Variants in DPP10 observed in about 807,000 individuals in gnomAD.
DPP10 encodes inactive dipeptidyl peptidase 10.
In DPP10, 33 loss-of-function variants were observed where a neutral mutation model predicts 120.9. The observed-to-expected ratio is 0.27, with a 90% confidence interval of 0.21 to 0.37. The LOEUF (loss-of-function observed/expected upper bound fraction) is 0.37, where lower values mean the gene tolerates loss of function less well. DPP10 is among the 10% of genes least tolerant of loss of function. The probability of loss-of-function intolerance (pLI) is 1.00; values close to 1 mark genes in which losing one functional copy is unlikely to be tolerated. For missense variants in DPP10, 816 were observed against 942.8 expected (o/e 0.87, Z 1.76); for synonymous variants, 337 against 326.1 (o/e 1.03, Z -0.36).
At chr2:114,784,868 G>A (rs1326554332) in intron 1 of DPP10, among the ~76,000 whole-genome samples, 1 of 152,178 alleles carries the variant, frequency 6.6e-6, no homozygotes, top group Admixed American at 6.5e-5. Context: ...ATTAGACTGA[G>A]CTGTAAAAGG....
intron 5 of DPP10, among the ~76,000 whole-genome samples, chr2:115,617,427 A>C (rs1253560562): frequency 2.6e-5 from 4 of 151,180 alleles, no homozygotes; most frequent in African/African-American, 9.7e-5. Flanking sequence ...AAATATAAAT[A>C]AAATATAAAA....
At chr2:115,672,310 T>G (rs1329965971) in intron 5 of DPP10, among the ~76,000 whole-genome samples, 1 of 152,094 alleles carries the variant, frequency 6.6e-6, no homozygotes, top group East Asian at 1.9e-4. Flanking sequence ...CAGACACACT[T>G]GTACAAAATA....
chr2:115,095,405 G>T (rs1709634491), intron 1 of DPP10, among the ~76,000 whole-genome samples: 1 of 152,136 alleles, frequency 6.6e-6, no homozygotes, highest in African/African-American at 2.4e-5. Context: ...GGGTGAGTTA[G>T]TTGGAGCAGG....
At chr2:115,107,241 G>T (rs193270722) in intron 1 of DPP10, among the ~76,000 whole-genome samples, 1 of 151,780 alleles carries the variant, frequency 6.6e-6, no homozygotes, top group Admixed American at 6.6e-5. Context: ...AGGGAATAGG[G>T]ATCACCGATT....
At chr2:115,237,538 A>G (rs1204276021) in intron 1 of DPP10, among the ~76,000 whole-genome samples, 1 of 152,164 alleles carries the variant, frequency 6.6e-6, no homozygotes, top group African/African-American at 2.4e-5. Context: ...ATATAAATCA[A>G]AAGCAAGAAA....
At chr2:114,676,415 T>A (rs1043047546) in intron 1 of DPP10, among the ~76,000 whole-genome samples, 13 of 152,184 alleles carry the variant, frequency 8.5e-5, no homozygotes, top group African/African-American at 3.1e-4. Context: ...CAATTGTATC[T>A]GTTTTGTGGT....
chr2:114,474,102 C>T (rs1004888361), intron 1 of DPP10, among the ~76,000 whole-genome samples: 6 of 152,078 alleles, frequency 3.9e-5, no homozygotes, highest in Admixed American at 6.6e-5. Context: ...GGATTACAGG[C>T]GTGCACCACC....
chr2:115,332,692 C>T (rs2062830282), intron 2 of DPP10, among the ~76,000 whole-genome samples: 2 of 152,176 alleles, frequency 1.3e-5, no homozygotes, highest in Non-Finnish European at 2.9e-5. Flanking sequence ...ACCCAGTAGT[C>T]ATTCAGGAGC....
In DPP10 at chr2:114,708,956, A is replaced by G. The variant is rs558267195; in HGVS notation, c.60+266118A>G. On this transcript the variant is annotated intron_variant, in intron 1 of 25. Coordinates refer to ENST00000410059, the MANE Select transcript of DPP10 (RefSeq NM_020868.6). The stretch of plus-strand genomic sequence containing the variant: ...TTTTTAGTAGAGACAGTGTTTCACT[A>G]TGTAAACCAGGCTGATCTCGAACTC... Among the ~76,000 whole-genome samples the G allele has an allele frequency of 3.9e-5, 6 of 152,144 alleles. No homozygotes were observed. In the South Asian group the frequency reaches 1.2e-3, roughly 32 times the overall value.
intron 1 of DPP10, among the ~76,000 whole-genome samples, chr2:114,869,581 T>C (rs575341041): frequency 6.6e-6 from 1 of 152,264 alleles, no homozygotes; most frequent in South Asian, 2.1e-4. Flanking sequence ...GTTATATAAC[T>C]TGTGGTCACA....
intron 3 of DPP10, among the ~76,000 whole-genome samples, chr2:115,440,286 T>C (rs942251099): frequency 2.0e-5 from 3 of 152,190 alleles, no homozygotes; most frequent in African/African-American, 7.2e-5. Context: ...AAGATTATTA[T>C]ACTGGCATTA....
At chr2:115,841,402 C>G (rs1690132072) in intron 25 of DPP10, among the ~76,000 whole-genome samples, 1 of 152,014 alleles carries the variant, frequency 6.6e-6, no homozygotes, top group African/African-American at 2.4e-5. Flanking sequence ...CTATGAGTAA[C>G]AAGACATACA....
At chr2:115,630,575 G>A (rs1575389396) in intron 5 of DPP10, among the ~76,000 whole-genome samples, 1 of 152,066 alleles carries the variant, frequency 6.6e-6, no homozygotes, top group African/African-American at 2.4e-5. Context: ...TTTGAGGTAT[G>A]TTCCTTCAAT....
intron 5 of DPP10, among the ~76,000 whole-genome samples, chr2:115,609,029 A>T (rs2083899627): frequency 6.6e-6 from 1 of 152,212 alleles, no homozygotes; most frequent in Admixed American, 6.5e-5. Flanking sequence ...TGAACAATAG[A>T]TGGAGAAAAA....
At chr2:115,642,537 A>G (rs1174741190) in intron 5 of DPP10, among the ~76,000 whole-genome samples, 3 of 152,138 alleles carry the variant, frequency 2.0e-5, no homozygotes, top group Non-Finnish European at 4.4e-5. Context: ...TCCAGGGACA[A>G]TAGCATGGCA....
intron 1 of DPP10, among the ~76,000 whole-genome samples, chr2:114,797,587 T>A (rs1519669): frequency 0.61 from 93,221 of 152,072 alleles, 28,814 homozygotes; most frequent in East Asian, 0.78. Context: ...CAACAACCAA[T>A]GTTTGAACAA....
chr2:114,585,643 C>A (rs1690910895), intron 1 of DPP10, among the ~76,000 whole-genome samples: 1 of 152,142 alleles, frequency 6.6e-6, no homozygotes, highest in Admixed American at 6.5e-5. Flanking sequence ...TGGCAGACAC[C>A]CAGATCAAGG....
At chr2:115,831,608 A>G (rs1688938055) in intron 21 of DPP10, among the ~76,000 whole-genome samples, 1 of 152,178 alleles carries the variant, frequency 6.6e-6, no homozygotes, top group African/African-American at 2.4e-5. Flanking sequence ...TCATTTAAAG[A>G]TGATCTGAAA....
At chr2:114,494,118 A>AAC (rs1682273646) in intron 1 of DPP10, among the ~76,000 whole-genome samples, 1 of 150,776 alleles carries the variant, frequency 6.6e-6, no homozygotes, top group East Asian at 1.9e-4. Flanking sequence ...AAAAAAAAAA[A>AAC]AAACCCAGCA....
Sources: allele counts gnomAD v4.1 joint callset (sites outside exome capture counted in the v4.1 genomes callset), GRCh38; gene constraint gnomAD v4.1.1; transcripts MANE v1.5; gene names NCBI Gene and HGNC (gene_info 2026-07-23, HGNC 2026-07-21).